Variants in INTS4 observed in about 807,000 individuals in gnomAD.
The protein encoded by INTS4 is integrator complex subunit 4, also known as MSTP093.
A neutral mutation model predicts 119.5 loss-of-function variants in INTS4; 70 were observed. The ratio of observed to expected loss-of-function variants is 0.59; its 90% CI spans 0.48 to 0.71. The LOEUF (loss-of-function observed/expected upper bound fraction) is 0.71. Ranked by LOEUF, INTS4 falls within the 30% of genes least tolerant of loss-of-function variation. The pLI is 0.00. For missense variants in INTS4, 867 were observed against 1,173.2 expected (o/e 0.74, Z 3.81); for synonymous variants, 316 against 419.6 (o/e 0.75, Z 3.02).
intron 8 of INTS4, among the ~76,000 whole-genome samples, chr11:77,943,807 C>T (rs1282532791): frequency 1.3e-5 from 2 of 152,144 alleles, no homozygotes; most frequent in Non-Finnish European, 2.9e-5. Context: ...AATTATCACA[C>T]CTGCTTTAAG....
chr11:77,948,966 AAAG>A (rs1168189104), intron 8 of INTS4, among the ~76,000 whole-genome samples: 5 of 152,208 alleles, frequency 3.3e-5, no homozygotes, highest in Admixed American at 1.3e-4. Flanking sequence ...CTACATCAAA[AAAG>A]AAGAACAATC....
intron 1 of INTS4, 89 bp downstream of exon 1, chr11:77,994,500 TG>T: frequency 1.0e-6 from 1 of 1,004,920 alleles, no homozygotes; most frequent in Non-Finnish European, 1.6e-6. Flanking sequence ...CACGGGCGTA[TG>T]GAGCCTCTTC....
intron 4 of INTS4, among the ~76,000 whole-genome samples, chr11:77,972,972 C>T (rs570384764): frequency 9.2e-5 from 14 of 151,872 alleles, no homozygotes; most frequent in African/African-American, 2.2e-4. Flanking sequence ...TCCCAAATAG[C>T]GGAGACAACA....
rs376686386 is a variant in INTS4, at chr11:77,926,923, G to GA, written c.1371+1418dup. 3.8e-3 allele frequency among the ~76,000 whole-genome samples: 572 copies of GA among 152,236 alleles called. 4 individuals are homozygous for GA. The highest frequency in any genetic ancestry group is 0.013 in the African/African-American group (538 of 41,544). On this transcript the variant is annotated intron_variant, in intron 11 of 22. Coordinates refer to ENST00000534064, the MANE Select transcript of INTS4 (RefSeq NM_033547.4). ...CAGTCTTATGAAATAGAGAATTACTGAAAAATGCTACAGCAGTATACACAG... is the reference window on the plus strand; with the variant it reads ...CAGTCTTATGAAATAGAGAATTACTGAAAAAATGCTACAGCAGTATACACAG...
chr11:77,932,335 G>C (rs374832162), intron 10 of INTS4, among the ~76,000 whole-genome samples: 2 of 152,068 alleles, frequency 1.3e-5, no homozygotes, highest in African/African-American at 4.8e-5. Context: ...ACATTTATGC[G>C]ACCAACAAAC....
intron 10 of INTS4, among the ~76,000 whole-genome samples, chr11:77,932,653 C>A (rs912451907): frequency 6.6e-6 from 1 of 152,116 alleles, no homozygotes; most frequent in Non-Finnish European, 1.5e-5. Flanking sequence ...AGAACACATG[C>A]ACACATATGT....
intron 15 of INTS4, chr11:77,911,013 G>T: frequency 7.8e-7 from 1 of 1,289,050 alleles, no homozygotes; most frequent in Non-Finnish European, 1.0e-6. Context: ...TTCAGGGCCG[G>T]CATAACACAT....
intron 16 of INTS4, among the ~76,000 whole-genome samples, chr11:77,904,955 A>G (rs1952897716): frequency 6.6e-6 from 1 of 152,150 alleles, no homozygotes. Flanking sequence ...GGACTTGTGG[A>G]CCTAATTTTA....
intron 11 of INTS4, among the ~76,000 whole-genome samples, chr11:77,926,781 C>T (rs983410348): frequency 2.0e-5 from 3 of 149,446 alleles, no homozygotes; most frequent in Non-Finnish European, 3.0e-5. Flanking sequence ...CACCGCACTC[C>T]ACCCTGGGGA....
chr11:77,971,791 T>C (rs1855746760), intron 4 of INTS4, among the ~76,000 whole-genome samples: 1 of 152,262 alleles, frequency 6.6e-6, no homozygotes, highest in Admixed American at 6.5e-5. Flanking sequence ...TATTTACTTT[T>C]TTCTTTTAGA....
chr11:77,954,558 A>T (rs1348662038), intron 8 of INTS4, among the ~76,000 whole-genome samples: 4 of 152,174 alleles, frequency 2.6e-5, no homozygotes, highest in Non-Finnish European at 5.9e-5. Flanking sequence ...CCTTTTTGGC[A>T]TCCGGGTTCA....
chr11:77,907,890 A>C (rs1394500184), intron 15 of INTS4, 80 bp from the exon 16 acceptor site: 5 of 861,352 alleles, frequency 5.8e-6, no homozygotes, highest in Non-Finnish European at 9.4e-6. Context: ...AAAGCATTTT[A>C]TCATTTTATA....
chr11:77,941,052 A>C, intron 9 of INTS4, 128 bp downstream of exon 9: 7 of 1,317,352 alleles, frequency 5.3e-6, no homozygotes, highest in Non-Finnish European at 7.0e-6. Flanking sequence ...AAGATTTTAA[A>C]TTAAAATGTA....
intron 8 of INTS4, among the ~76,000 whole-genome samples, chr11:77,951,489 T>G (rs979049371): frequency 3.1e-4 from 47 of 152,204 alleles, no homozygotes; most frequent in African/African-American, 1.1e-3. Flanking sequence ...GATCCCTTCC[T>G]TACACCTTAT....
rs576440752 is a variant in INTS4, at chr11:77,922,713, T to C, written c.1515-242A>G. The C allele has an allele frequency of 2.1e-4, 107 of 506,908 alleles. No individual in the cohort carries two copies. The East Asian group carries it at 3.7e-3, about 18-fold the overall frequency. 31.4% of individuals were successfully genotyped at this position (506,908 alleles called of 1,614,324 possible). ...ATTTAACCAAGAGCCATTTCCCCCA[T>C]CTTTCTTCCTGAGAGAGCCCTGATT... On this transcript the variant is annotated intron_variant, in intron 12 of 22. Coordinates refer to ENST00000534064, the MANE Select transcript of INTS4 (RefSeq NM_033547.4).
chr11:77,917,406 C>T (rs1202536112), intron 15 of INTS4, among the ~76,000 whole-genome samples: 1 of 150,054 alleles, frequency 6.7e-6, no homozygotes, highest in African/African-American at 2.5e-5. Context: ...CTCTGCCTCC[C>T]GAGTTCAAGC....
intron 2 of INTS4, among the ~76,000 whole-genome samples, chr11:77,986,671 G>A (rs567939233): frequency 2.6e-5 from 4 of 152,290 alleles, no homozygotes; most frequent in South Asian, 2.1e-4. Flanking sequence ...AAAAGGATGC[G>A]TTCATGTCCT....
chr11:77,919,506 G>A (rs1197200785), intron 14 of INTS4, among the ~76,000 whole-genome samples: 3 of 152,078 alleles, frequency 2.0e-5, no homozygotes, highest in East Asian at 1.9e-4. Context: ...GGCTGGTCTC[G>A]AACTCCTGAC....
At chr11:77,878,148 G>T (rs1261175668), downstream of INTS4, among the ~76,000 whole-genome samples, 1 of 152,066 alleles carries the variant, frequency 6.6e-6, no homozygotes, top group African/African-American at 2.4e-5. Context: ...AGATCACGAG[G>T]TCAGGAGATC....
Sources: gnomAD v4.1 joint callset for allele counts (sites outside exome capture counted in the v4.1 genomes callset) on GRCh38, gnomAD v4.1.1 for gene constraint, MANE v1.5 for transcripts, NCBI Gene and HGNC (gene_info 2026-07-23, HGNC 2026-07-21) for gene names.